PDS5A: variants seen among roughly 807,000 people sequenced by gnomAD.
The protein encoded by PDS5A is sister chromatid cohesion protein PDS5 homolog A.
A neutral mutation model predicts 167.1 loss-of-function variants in PDS5A; 42 were observed. That is an observed-to-expected ratio of 0.25 (90% CI 0.20 to 0.33). PDS5A has a LOEUF of 0.33. Among genes scored for constraint, PDS5A ranks in the 10% least tolerant of loss-of-function variants. PDS5A has a pLI of 1.00. For missense variants in PDS5A, 1,033 were observed against 1,605.9 expected (o/e 0.64, Z 6.10); for synonymous variants, 553 against 554.6 (o/e 1.00, Z 0.04).
chr4:39,930,246 A>AAAAAAAAAAAAAAAAAAAATTTTT, intron 2 of PDS5A, among the ~76,000 whole-genome samples: 2 of 93,090 alleles, frequency 2.1e-5, no homozygotes, highest in Non-Finnish European at 4.5e-5. Context: ...AAAAAAAAAA[A>AAAAAAAAAAAAAAAAAAAATTTTT]GTTTTTTTGT....
chr4:39,974,239 C>T (rs927059565), intron 2 of PDS5A: 8 of 560,070 alleles, frequency 1.4e-5, no homozygotes, highest in African/African-American at 1.3e-4. Flanking sequence ...ATGCCAGGTG[C>T]TATCCCCAAG....
chr4:39,908,366 A>G (rs1195578401), intron 11 of PDS5A, 29 bp downstream of exon 11: 3 of 1,562,136 alleles, frequency 1.9e-6, no homozygotes, highest in Non-Finnish European at 2.6e-6. Flanking sequence ...ACAGTAAATT[A>G]CAGAAGAATA....
chr4:39,913,624 A>G lies in PDS5A; in HGVS notation c.979T>C (p.Cys327Arg). ...LATQNRPLWQ[C>R]FLGRFNDIHV... ...ATGTTCTCTTACCGTCCAAGAAAAC[A>G]TTGCCAAAGAGGACGATTCTGTGTT... The change falls in exon 9 of 33, where the codon TGT becomes CGT. Residue 327 changes from cysteine (C) to arginine (R), a missense_variant. By Grantham distance (180) the Cys-to-Arg change is radical (BLOSUM62 -3). This residue lies in a region of PDS5A where 388 missense variants were observed against 615.1 expected (regional missense o/e 0.63). Transcript: ENST00000303538. The G allele has an allele frequency of 6.3e-7, 1 of 1,589,460 alleles. No individual in the cohort carries two copies. The highest frequency in any genetic ancestry group is 8.6e-7 in the Non-Finnish European group (1 of 1,157,604).
At chr4:39,912,510 C>T (rs1183939012) in intron 9 of PDS5A, among the ~76,000 whole-genome samples, 1 of 152,136 alleles carries the variant, frequency 6.6e-6, no homozygotes, top group Non-Finnish European at 1.5e-5. Flanking sequence ...TTCAAAATGG[C>T]GTGTTCTGGG....
rs776153177 is a variant in PDS5A at position 39,877,875 on chromosome 4, G to A, written c.1993-722C>T. ...TCCTGTCTTGGCTGGGATTACAGGC[G>A]TAAACCATTGTACCCAGCCAAAAAA... On this transcript the variant is annotated intron_variant, in intron 18 of 32. Coordinates refer to ENST00000303538, the MANE Select transcript of PDS5A (RefSeq NM_001100399.2). 9.9e-5 allele frequency among the ~76,000 whole-genome samples: 15 copies of A among 152,036 alleles called. 1 individual carries two copies. Among genetic ancestry groups the A allele is most frequent in the Non-Finnish European group, 1.5e-4 (10 of 68,008 alleles).
intron 26 of PDS5A, among the ~76,000 whole-genome samples, chr4:39,855,511 A>G (rs531475805): frequency 6.6e-6 from 1 of 152,360 alleles, no homozygotes; most frequent in Middle Eastern, 3.4e-3. Flanking sequence ...ATTAACCCTG[A>G]GGAGGCCCAG....
At chr4:39,846,389 T>A (rs1351576267) in intron 28 of PDS5A, 1 of 152,248 alleles carries the variant, frequency 6.6e-6, no homozygotes, top group African/African-American at 2.4e-5. Flanking sequence ...TGCCAGCTAC[T>A]CAGGAGGTTA....
chr4:39,922,554 A>C (rs1375072814), intron 6 of PDS5A, 68 bp downstream of exon 6: 1 of 1,341,670 alleles, frequency 7.5e-7, no homozygotes, highest in Non-Finnish European at 9.8e-7. Flanking sequence ...GCCATAAAAC[A>C]ACTGTTCATT....
chr4:39,845,162 C>T (rs1390799865), intron 29 of PDS5A, among the ~76,000 whole-genome samples: 2 of 151,908 alleles, frequency 1.3e-5, no homozygotes, highest in African/African-American at 2.4e-5. Flanking sequence ...GAGCTGAGAT[C>T]GCAACATTGT....
chr4:39,906,917 TAAAAA>T (rs1191690836), intron 11 of PDS5A, among the ~76,000 whole-genome samples: 5 of 54,034 alleles, frequency 9.3e-5, no homozygotes, highest in African/African-American at 1.2e-4. Context: ...ATTTCTTACA[TAAAAA>T]AAAAAAAAAA....
intron 2 of PDS5A, among the ~76,000 whole-genome samples, chr4:39,957,158 G>C (rs890838038): frequency 6.6e-5 from 10 of 151,990 alleles, no homozygotes; most frequent in African/African-American, 2.4e-4. Flanking sequence ...GAAGTTATAG[G>C]ATAATTATAC....
At chr4:39,921,331 G>C (rs942834761) in intron 6 of PDS5A, among the ~76,000 whole-genome samples, 3 of 152,090 alleles carry the variant, frequency 2.0e-5, no homozygotes, top group Non-Finnish European at 4.4e-5. Flanking sequence ...ACAAGCCATA[G>C]CTTCTTGACC....
rs1708338145 is a variant in PDS5A, at chr4:39,827,162, G to C, written c.4011-1674C>G. Among the ~76,000 whole-genome samples the C allele has an allele frequency of 4.6e-5, 7 of 152,214 alleles. No individual in the cohort carries two copies. The South Asian group carries it at 1.5e-3, about 32-fold the overall frequency. On this transcript the variant is annotated intron_variant, in intron 32 of 32. Transcript: ENST00000303538. Reference sequence around the variant, plus strand: ...ACTATAGGTTGCGCCCCCACGCGCAGCTAATTTTTGTATTTTTAGTAGAGA... The same window carrying C: ...ACTATAGGTTGCGCCCCCACGCGCACCTAATTTTTGTATTTTTAGTAGAGA...
chr4:39,836,146 G>A (rs1165949789), intron 32 of PDS5A, among the ~76,000 whole-genome samples: 1 of 152,176 alleles, frequency 6.6e-6, no homozygotes, highest in African/African-American at 2.4e-5. Flanking sequence ...AATTCGTAGA[G>A]CAACCCTTTA....
rs1322548929 is a variant in PDS5A, at chr4:39,825,478, T to C, written c.*7A>G. 2 of 1,581,704 alleles carry C rather than the reference T, an allele frequency of 1.3e-6. No homozygotes were observed. The highest frequency in any genetic ancestry group is 1.3e-5 in the African/African-American group (1 of 74,292). The stretch of plus-strand genomic sequence containing the variant: ...GGCCTTCATTTTCTCCCTTTGCAAA[T>C]GCATTTTTACCTTAGGGTTAAGAAT... On this transcript the variant is annotated 3_prime_UTR_variant, in exon 33 of 33. Transcript: ENST00000303538.
chr4:39,845,951 A>C, intron 28 of PDS5A, 71 bp from the exon 29 acceptor site: 2 of 1,180,022 alleles, frequency 1.7e-6, no homozygotes, highest in Non-Finnish European at 2.2e-6. Context: ...TAATTATCTC[A>C]ATAAGGCTTT....
chr4:39,885,779 C>CA (rs1378557467), intron 17 of PDS5A, among the ~76,000 whole-genome samples: 2 of 150,612 alleles, frequency 1.3e-5, no homozygotes, highest in African/African-American at 4.9e-5. Context: ...AAACAAAAAA[C>CA]AAACAAAAAA....
In PDS5A at chr4:39,920,343, C is replaced by A; in HGVS notation, c.711G>T (p.Gln237His). 1 of 1,539,002 alleles carries A rather than the reference C, an allele frequency of 6.5e-7. No individual in the cohort carries two copies. The highest frequency in any genetic ancestry group is 9.0e-7 in the Non-Finnish European group (1 of 1,116,388). ...LAKVLLKRTVQTIEACIANFF... is the reference protein window; with the variant it reads ...LAKVLLKRTVHTIEACIANFF... The stretch of plus-strand genomic sequence containing the variant: ...CATTAGCAATGCATGCCTCAATAGT[C>A]TGGACTGTTCTTTTCAATAGCACTT... Residue 237 changes from glutamine to histidine, a missense_variant, in exon 7 of 33, where the codon CAG (glutamine) becomes CAT (histidine). Gln to His is a conservative substitution (Grantham distance 24). Coordinates refer to ENST00000303538, the MANE Select transcript of PDS5A (RefSeq NM_001100399.2).
intron 19 of PDS5A, among the ~76,000 whole-genome samples, 170 bp downstream of exon 19, chr4:39,876,823 G>C (rs1008981399): frequency 3.3e-5 from 5 of 152,152 alleles, no homozygotes; most frequent in Middle Eastern, 3.2e-3. Context: ...TGGTGGGAGA[G>C]GGGTGTGAAG....
Sources: allele counts gnomAD v4.1 joint callset (sites outside exome capture counted in the v4.1 genomes callset), GRCh38; gene constraint gnomAD v4.1.1; regional missense constraint gnomAD v4.1.1; transcripts MANE v1.5; gene names NCBI Gene and HGNC (gene_info 2026-07-23, HGNC 2026-07-21).